RAB3C: variants seen among roughly 807,000 people sequenced by gnomAD.
RAB3C encodes RAB3C, member RAS oncogene family.
Under a neutral mutation model 26.4 loss-of-function variants are expected in RAB3C, and 17 were observed. The ratio of observed to expected loss-of-function variants is 0.64; its 90% confidence interval spans 0.44 to 0.97. The LOEUF (loss-of-function observed/expected upper bound fraction) is 0.97. Ranked by LOEUF, RAB3C falls within the 50% of genes least tolerant of loss-of-function variation. The probability of loss-of-function intolerance (pLI) is 0.00; values close to 1 mark genes in which losing one functional copy is unlikely to be tolerated. For missense variants in RAB3C, 242 were observed against 281.9 expected, an observed-to-expected ratio of 0.86 and a Z score of 1.01; for synonymous variants, 91 against 95.9, an observed-to-expected ratio of 0.95 and a Z score of 0.30.
chr5:58,755,264 G>A (rs75403452), intron 3 of RAB3C, among the ~76,000 whole-genome samples: 4 of 152,316 alleles, frequency 2.6e-5, no homozygotes, highest in East Asian at 3.9e-4. Context: ...ATTCAATGCC[G>A]TTGTAAGCCT....
intron 3 of RAB3C, among the ~76,000 whole-genome samples, chr5:58,737,425 ATATATATATATATATATATATAT>A (rs1561305171): frequency 0.019 from 2,144 of 111,412 alleles, 142 homozygotes; most frequent in African/African-American, 0.066. Context: ...ATATATATAT[ATATATATATATATATATATATAT>A]AATTTACTTG....
At chr5:58,682,458 G>A (rs150194418) in intron 2 of RAB3C, among the ~76,000 whole-genome samples, 1 of 152,150 alleles carries the variant, frequency 6.6e-6, no homozygotes, top group Non-Finnish European at 1.5e-5. Flanking sequence ...GCTGAGGCAG[G>A]TGGATCATGG....
At chr5:58,693,149 TG>T (rs1358939561) in intron 2 of RAB3C, among the ~76,000 whole-genome samples, 1 of 146,166 alleles carries the variant, frequency 6.8e-6, no homozygotes, top group Non-Finnish European at 1.5e-5. Context: ...AAATTATATT[TG>T]TATAATTATA....
At chr5:58,781,796 TCCCA>T (rs1232426024) in intron 3 of RAB3C, among the ~76,000 whole-genome samples, 2 of 151,986 alleles carry the variant, frequency 1.3e-5, no homozygotes, top group African/African-American at 4.8e-5. Flanking sequence ...TAGTTCTCCA[TCCCA>T]CCCTGAACCA....
intron 2 of RAB3C, among the ~76,000 whole-genome samples, chr5:58,671,410 T>C (rs1748116789): frequency 6.6e-6 from 1 of 152,182 alleles, no homozygotes; most frequent in South Asian, 2.1e-4. Flanking sequence ...GCACAAATAA[T>C]GACTCTACTG....
chr5:58,813,595 TA>T (rs1743138056), intron 3 of RAB3C, among the ~76,000 whole-genome samples: 1 of 8,094 alleles, frequency 1.2e-4, no homozygotes, highest in Admixed American at 1.1e-3. Context: ...TTTATATTTA[TA>T]TATATATATA....
intron 3 of RAB3C, among the ~76,000 whole-genome samples, chr5:58,772,826 G>T (rs148916425): frequency 1.3e-5 from 2 of 152,058 alleles, no homozygotes; most frequent in Non-Finnish European, 2.9e-5. Context: ...GAAATTATAG[G>T]TCTATTGTAT....
chr5:58,716,353 A>G lies in RAB3C; in HGVS notation c.253-9649A>G, dbSNP rs1021928937. ...TTCAAAAGCGAGATGATAACATCAAACAGAAAGCCAAAGTAAAAAAAACTA... is the reference window on the plus strand; with the variant it reads ...TTCAAAAGCGAGATGATAACATCAAGCAGAAAGCCAAAGTAAAAAAAACTA... On this transcript the variant is annotated intron_variant, in intron 2 of 4. Transcript: ENST00000282878. 3.9e-5 allele frequency among the ~76,000 whole-genome samples: 6 copies of G among 152,284 alleles called. No homozygotes were observed. In the East Asian group the frequency reaches 9.7e-4, roughly 25 times the overall value.
chr5:58,721,688 T>C (rs1006231862), intron 2 of RAB3C, among the ~76,000 whole-genome samples: 1 of 151,860 alleles, frequency 6.6e-6, no homozygotes, highest in African/African-American at 2.4e-5. Context: ...CTGAAATTGT[T>C]TTCAAAGCCA....
intron 3 of RAB3C, among the ~76,000 whole-genome samples, chr5:58,758,878 T>C (rs1180606997): frequency 8.5e-5 from 13 of 152,084 alleles, no homozygotes; most frequent in Non-Finnish European, 1.3e-4. Context: ...TGGATACTTT[T>C]CCATGGTCCT....
At chr5:58,635,848 CGTG>C (rs1747279753) in intron 2 of RAB3C, among the ~76,000 whole-genome samples, 1 of 151,952 alleles carries the variant, frequency 6.6e-6, no homozygotes, top group South Asian at 2.1e-4. Context: ...GTGGACAACG[CGTG>C]GTGTTTGGTA....
chr5:58,845,527 A>G (rs1743970103), intron 4 of RAB3C, among the ~76,000 whole-genome samples: 2 of 150,234 alleles, frequency 1.3e-5, no homozygotes, highest in Non-Finnish European at 3.0e-5. Flanking sequence ...CCAATCGGCC[A>G]TGGGGTTTCT....
chr5:58,808,307 A>T (rs1173503583), intron 3 of RAB3C, among the ~76,000 whole-genome samples: 1 of 152,112 alleles, frequency 6.6e-6, no homozygotes, highest in East Asian at 1.9e-4. Flanking sequence ...ATGATACAGG[A>T]TTTCTGGAGA....
chr5:58,617,711 C>G lies in RAB3C; in HGVS notation c.93C>G (p.Phe31Leu), dbSNP rs781563717. The G allele has an allele frequency of 1.9e-6, 3 of 1,613,872 alleles. No individual in the cohort carries two copies. Among genetic ancestry groups the G allele is most frequent in the African/African-American group, 1.3e-5 (1 of 74,918 alleles). ...DSSDQNFDYM[F>L]KLLIIGNSSV... ...CTGATCAGAACTTTGACTACATGTTCAAATTACTCATCATCGGCAATAGCA... is the reference window on the plus strand; with the variant it reads ...CTGATCAGAACTTTGACTACATGTTGAAATTACTCATCATCGGCAATAGCA... Residue 31 changes from phenylalanine (F) to leucine (L), a missense_variant, in exon 2 of 5, where the codon TTC becomes TTG. Physicochemically the swap from Phe to Leu is conservative, Grantham distance 22. Transcript: ENST00000282878.
intron 2 of RAB3C, among the ~76,000 whole-genome samples, chr5:58,656,946 G>A (rs761535319): frequency 1.2e-4 from 19 of 152,200 alleles, no homozygotes; most frequent in Non-Finnish European, 1.5e-4. Flanking sequence ...CATGTTTATA[G>A]CAGCACAGTT....
chr5:58,800,432 T>C (rs555699152), intron 3 of RAB3C, among the ~76,000 whole-genome samples: 21 of 152,314 alleles, frequency 1.4e-4, no homozygotes, highest in African/African-American at 5.1e-4. Flanking sequence ...AATCAGTGTT[T>C]TTAAGCTATT....
intron 1 of RAB3C, among the ~76,000 whole-genome samples, chr5:58,590,080 G>A (rs28696147): frequency 0.12 from 18,815 of 152,194 alleles, 1,526 homozygotes; most frequent in South Asian, 0.23. Flanking sequence ...AGTGAGCAGA[G>A]GACCTAGCTG....
intron 3 of RAB3C, among the ~76,000 whole-genome samples, chr5:58,804,277 C>A (rs1030333444): frequency 4.6e-5 from 7 of 152,056 alleles, no homozygotes; most frequent in African/African-American, 1.7e-4. Flanking sequence ...ATGCCAGGAG[C>A]CCCATGGATT....
intron 3 of RAB3C, among the ~76,000 whole-genome samples, chr5:58,805,411 C>A (rs1431599032): frequency 4.6e-5 from 7 of 151,640 alleles, no homozygotes; most frequent in Admixed American, 4.6e-4. Context: ...ATGATGAAAC[C>A]TCATCCCTAC....
Sources: gnomAD v4.1 joint callset for allele counts (sites outside exome capture counted in the v4.1 genomes callset) on GRCh38, gnomAD v4.1.1 for gene constraint, MANE v1.5 for transcripts, NCBI Gene and HGNC (gene_info 2026-07-23, HGNC 2026-07-21) for gene names.